SSU72: variants seen among roughly 807,000 people sequenced by gnomAD.
The protein encoded by SSU72 is SSU72 homolog, RNA polymerase II CTD phosphatase.
A neutral mutation model predicts 22.7 loss-of-function variants in SSU72; 12 were observed. The observed-to-expected ratio is 0.53, with a 90% CI of 0.34 to 0.86. The LOEUF (loss-of-function observed/expected upper bound fraction) is 0.86. Ranked by LOEUF, SSU72 falls within the 40% of genes least tolerant of loss-of-function variation. SSU72 has a pLI of 0.02. For missense variants in SSU72, 151 were observed against 249.8 expected (o/e 0.60, Z 2.67); for synonymous variants, 116 against 98.3 (o/e 1.18, Z -1.06).
chr1:1,572,877 T>TGGGG (rs80340276), intron 1 of SSU72, among the ~76,000 whole-genome samples: 3 of 83,736 alleles, frequency 3.6e-5, no homozygotes, highest in Non-Finnish European at 5.5e-5. Context: ...AATTTTGTCT[T>TGGGG]GGGGGGGGGG....
chr1:1,571,389 T>A (rs1642729830), intron 1 of SSU72, among the ~76,000 whole-genome samples: 1 of 140,134 alleles, frequency 7.1e-6, no homozygotes, highest in Non-Finnish European at 1.5e-5. Flanking sequence ...CAAGATCGTG[T>A]CATTGCACTC....
At chr1:1,561,940 CA>C (rs1642598555) in intron 2 of SSU72, 3 of 152,528 alleles carry the variant, frequency 2.0e-5, no homozygotes, top group Admixed American at 2.0e-4. Context: ...CACCACACAC[CA>C]AGAGCACACA....
At chr1:1,560,194 A>C (rs1642570995) in intron 2 of SSU72, among the ~76,000 whole-genome samples, 3 of 152,012 alleles carry the variant, frequency 2.0e-5, no homozygotes, top group African/African-American at 7.2e-5. Context: ...AATGTGGATG[A>C]AACTTTTTTA....
At chr1:1,545,272 C>T (rs774406040) in intron 2 of SSU72, 48 of 440,924 alleles carry the variant, frequency 1.1e-4, no homozygotes, top group African/African-American at 2.6e-4. Context: ...GGACACCCCC[C>T]GCCCCCGCCC....
At chr1:1,568,543 G>A (rs1448273381) in intron 1 of SSU72, among the ~76,000 whole-genome samples, 1 of 151,308 alleles carries the variant, frequency 6.6e-6, no homozygotes, top group East Asian at 2.0e-4. Context: ...GGTGGAGGTC[G>A]CAGTGGGCCC....
Position 1,544,845 on chromosome 1 carries a change from A to G in SSU72, c.364+18T>C. ...GAGAGCTGCTGGAGCCCAGCCCAGC[A>G]CGCAGCCGCCTCCTCACCTTCCACC... On this transcript the variant is annotated intron_variant, in intron 3 of 4. Transcript: ENST00000291386. 1 of 1,614,070 alleles carries G rather than the reference A, an allele frequency of 6.2e-7. No homozygotes were observed. Among genetic ancestry groups the G allele is most frequent in the Non-Finnish European group, 8.5e-7 (1 of 1,179,978 alleles).
intron 1 of SSU72, among the ~76,000 whole-genome samples, 189 bp from the exon 2 acceptor site, chr1:1,565,105 C>CAAGGCAGGCGGATCATG (rs141720989): frequency 8.6e-5 from 13 of 151,094 alleles, no homozygotes; most frequent in South Asian, 2.1e-4. Context: ...TTTGGGAGGC[C>CAAGGCAGGCGGATCATG]AAGGCAGGCG....
intron 2 of SSU72, 132 bp from the exon 3 acceptor site, chr1:1,545,134 G>A (rs534222323): frequency 1.8e-6 from 2 of 1,088,524 alleles, no homozygotes; most frequent in East Asian, 2.4e-5. Context: ...CTGGACAGCG[G>A]AGTGGGCCAT....
chr1:1,551,633 C>T (rs549974384), intron 2 of SSU72, among the ~76,000 whole-genome samples: 1 of 152,364 alleles, frequency 6.6e-6, no homozygotes, highest in East Asian at 1.9e-4. Flanking sequence ...GCTTCCCGAG[C>T]TCCCATCCTG....
chr1:1,574,160 C>G (rs1458725490), intron 1 of SSU72, among the ~76,000 whole-genome samples: 1 of 152,180 alleles, frequency 6.6e-6, no homozygotes, highest in African/African-American at 2.4e-5. Context: ...CAACGACGCA[C>G]ACGAAATACC....
chr1:1,571,682 C>G (rs1159691427), intron 1 of SSU72, among the ~76,000 whole-genome samples: 1 of 152,192 alleles, frequency 6.6e-6, no homozygotes, highest in East Asian at 1.9e-4. Flanking sequence ...CCACTGGCCA[C>G]TCTGAACTAA....
chr1:1,559,429 G>A (rs778038250), intron 2 of SSU72, among the ~76,000 whole-genome samples: 3 of 152,184 alleles, frequency 2.0e-5, no homozygotes, highest in Admixed American at 2.0e-4. Flanking sequence ...ACGCGACTCA[G>A]GGAAGTGCAT....
chr1:1,555,449 A>G (rs1642510287), intron 2 of SSU72, among the ~76,000 whole-genome samples: 1 of 152,170 alleles, frequency 6.6e-6, no homozygotes, highest in Non-Finnish European at 1.5e-5. Context: ...AGGAGGAACC[A>G]GTGCTGCAGG....
At chr1:1,552,442 T>C (rs1329857283) in intron 2 of SSU72, among the ~76,000 whole-genome samples, 2 of 152,142 alleles carry the variant, frequency 1.3e-5, no homozygotes, top group Non-Finnish European at 2.9e-5. Flanking sequence ...TTTTAGGGCC[T>C]CCTGACAAAT....
chr1:1,573,707 C>A (rs1570404013), intron 1 of SSU72, among the ~76,000 whole-genome samples: 1 of 152,190 alleles, frequency 6.6e-6, no homozygotes, highest in Admixed American at 6.5e-5. Flanking sequence ...AGAAGAGAAG[C>A]GAAACACTGT....
intron 1 of SSU72, among the ~76,000 whole-genome samples, chr1:1,567,999 C>G (rs1642683081): frequency 6.6e-6 from 1 of 151,584 alleles, no homozygotes; most frequent in African/African-American, 2.4e-5. Context: ...CCAACACCAA[C>G]AAGAACTCAC....
At chr1:1,567,084 C>T (rs954028998) in intron 1 of SSU72, among the ~76,000 whole-genome samples, 4 of 152,210 alleles carry the variant, frequency 2.6e-5, no homozygotes, top group African/African-American at 7.2e-5. Flanking sequence ...TGCCCACTGC[C>T]GGCCTTCCAC....
At position 1,541,989 on chromosome 1, in the gene SSU72, A is replaced by T; in HGVS notation, c.*77T>A. On this transcript the variant is annotated 3_prime_UTR_variant, in exon 5 of 5. Transcript: ENST00000291386. The stretch of plus-strand genomic sequence containing the variant: ...CTACCGTCACCAGCAGAACACCTGT[A>T]AGTAAAAACAAATGTCAGGAAGGAA... 7.2e-7 allele frequency: 1 copy of T among 1,380,418 alleles called. No homozygotes were observed. 85.5% of individuals were successfully genotyped at this position (1,380,418 alleles called of 1,614,324 possible).
intron 1 of SSU72, among the ~76,000 whole-genome samples, chr1:1,573,860 T>C (rs555129518): frequency 1.3e-5 from 2 of 152,160 alleles, no homozygotes; most frequent in South Asian, 2.1e-4. Context: ...ACAAAAAACT[T>C]GTTATCAAGC....
Sources: allele counts gnomAD v4.1 joint callset (sites outside exome capture counted in the v4.1 genomes callset), GRCh38; gene constraint gnomAD v4.1.1; transcripts MANE v1.5; gene names NCBI Gene and HGNC (gene_info 2026-07-23, HGNC 2026-07-21).